The following SOX5 variants were observed in gnomAD, a reference collection of about 807,000 sequenced individuals.
The protein encoded by SOX5 is SRY-box transcription factor 5, also known as transcription factor SOX-5.
Under a neutral mutation model 92.0 loss-of-function variants are expected in SOX5, and 9 were observed. The observed-to-expected ratio is 0.10, with a 90% CI of 0.06 to 0.17. SOX5 has a LOEUF of 0.17. Ranked by LOEUF, SOX5 falls within the 10% of genes least tolerant of loss-of-function variation. SOX5 has a pLI of 1.00. For missense variants in SOX5, 642 were observed against 944.5 expected, an observed-to-expected ratio of 0.68 and a Z score of 4.20; for synonymous variants, 344 against 336.3, an observed-to-expected ratio of 1.02 and a Z score of -0.25.
At chr12:24,026,364 G>A (rs1421672155) in intron 4 of SOX5, among the ~76,000 whole-genome samples, 2 of 151,960 alleles carry the variant, frequency 1.3e-5, no homozygotes, top group Admixed American at 1.3e-4. Flanking sequence ...TTCACTGATT[G>A]TAATTTAATA....
At chr12:24,277,628 G>C (rs1433264885) in intron 2 of SOX5, among the ~76,000 whole-genome samples, 2 of 145,822 alleles carry the variant, frequency 1.4e-5, no homozygotes, top group East Asian at 3.9e-4. Flanking sequence ...ATTATGGTTT[G>C]TGGAAGAAGG....
chr12:24,332,424 G>A (rs1221223388), intron 2 of SOX5, among the ~76,000 whole-genome samples: 3 of 152,108 alleles, frequency 2.0e-5, no homozygotes, highest in African/African-American at 7.2e-5. Context: ...ATCTGAGAAG[G>A]TTTAAATGGC....
intron 1 of SOX5, among the ~76,000 whole-genome samples, chr12:24,519,839 T>C (rs1330844042): frequency 6.6e-6 from 1 of 152,032 alleles, no homozygotes; most frequent in Non-Finnish European, 1.5e-5. Context: ...TCAGAGCCTC[T>C]CCAAAATGAT....
In SOX5 at chr12:24,333,621, T is replaced by C. The variant is rs559381781; in HGVS notation, c.-174+34942A>G. 2.6e-5 allele frequency among the ~76,000 whole-genome samples: 4 copies of C among 152,106 alleles called. No homozygotes were observed. In the South Asian group the frequency reaches 8.3e-4, roughly 32 times the overall value. On this transcript the variant is annotated intron_variant, in intron 2 of 4. Transcript: ENST00000446891. ...GCAAAAACTCTTAGGAAATAAAAAA[T>C]AGAAGTATGTAATTCCTTAACATGA...
intron 7 of SOX5, among the ~76,000 whole-genome samples, chr12:23,641,134 TTTAGGAAAATGG>T (rs1287166622): frequency 1.3e-5 from 2 of 152,124 alleles, no homozygotes. Context: ...TCATGATGTA[TTTAGGAAAATGG>T]GAGGGAAAGT....
chr12:24,526,821 CTT>C (rs960306251), intron 1 of SOX5, among the ~76,000 whole-genome samples: 4 of 148,420 alleles, frequency 2.7e-5, no homozygotes, highest in African/African-American at 7.4e-5. Context: ...TATCATATTT[CTT>C]TTTTTTTTTC....
intron 10 of SOX5, among the ~76,000 whole-genome samples, chr12:23,565,990 C>T (rs80188595): frequency 0.04 from 6,056 of 152,230 alleles, 265 homozygotes; most frequent in Admixed American, 0.12. Flanking sequence ...TCACTCTTAC[C>T]TTCTGCTGGC....
At chr12:23,658,861 C>T (rs578214917) in intron 7 of SOX5, among the ~76,000 whole-genome samples, 2 of 152,142 alleles carry the variant, frequency 1.3e-5, no homozygotes, top group African/African-American at 4.8e-5. Flanking sequence ...CCATTGCACT[C>T]CAGCCTGGGC....
chr12:23,801,016 C>T (rs185751834), intron 3 of SOX5, among the ~76,000 whole-genome samples: 168 of 152,244 alleles, frequency 1.1e-3, no homozygotes, highest in Non-Finnish European at 1.1e-3. Flanking sequence ...AGATGCTTCT[C>T]AAGGAAAACA....
chr12:23,750,312 TAAG>T (rs1358549800), intron 4 of SOX5, among the ~76,000 whole-genome samples: 2 of 152,030 alleles, frequency 1.3e-5, no homozygotes, highest in East Asian at 1.9e-4. Context: ...GCAGTGCCTG[TAAG>T]AAGATGTTCA....
chr12:24,239,444 C>T (rs1259727373), intron 3 of SOX5, among the ~76,000 whole-genome samples: 2 of 152,094 alleles, frequency 1.3e-5, no homozygotes, highest in Non-Finnish European at 1.5e-5. Flanking sequence ...ATATTTTTTT[C>T]CCCCAGACTT....
chr12:23,782,473 A>G (rs2095300522), intron 3 of SOX5, among the ~76,000 whole-genome samples: 1 of 152,164 alleles, frequency 6.6e-6, no homozygotes, highest in African/African-American at 2.4e-5. Context: ...CCAAAAAGTC[A>G]GGGAGAAAGT....
At chr12:24,437,838 T>G (rs1313513011) in intron 1 of SOX5, among the ~76,000 whole-genome samples, 1 of 152,230 alleles carries the variant, frequency 6.6e-6, no homozygotes, top group Non-Finnish European at 1.5e-5. Context: ...TTGGTAGGAA[T>G]GTAAATTAGT....
intron 4 of SOX5, among the ~76,000 whole-genome samples, chr12:23,980,394 A>C (rs1266704122): frequency 6.6e-6 from 1 of 152,060 alleles, no homozygotes; most frequent in Non-Finnish European, 1.5e-5. Flanking sequence ...ATTCCTTTAA[A>C]TGTAATATTC....
At chr12:24,547,698 GT>G (rs1952780684) in intron 1 of SOX5, among the ~76,000 whole-genome samples, 1 of 152,146 alleles carries the variant, frequency 6.6e-6, no homozygotes, top group South Asian at 2.1e-4. Context: ...GGCATAAGTT[GT>G]CTTAGAAAAC....
chr12:24,441,902 CTGAGA>C (rs1371223822), intron 1 of SOX5, among the ~76,000 whole-genome samples: 1 of 152,064 alleles, frequency 6.6e-6, no homozygotes, highest in Non-Finnish European at 1.5e-5. Flanking sequence ...ATATGTCTGC[CTGAGA>C]TAAGGCTTTC....
intron 1 of SOX5, among the ~76,000 whole-genome samples, chr12:23,941,775 G>A (rs575575312): frequency 3.3e-5 from 5 of 151,526 alleles, no homozygotes; most frequent in East Asian, 1.9e-4. Flanking sequence ...AGTTCATTCC[G>A]TTCTACACTA....
At chr12:24,464,475 G>A (rs1944002822) in intron 1 of SOX5, among the ~76,000 whole-genome samples, 2 of 152,014 alleles carry the variant, frequency 1.3e-5, no homozygotes, top group Admixed American at 6.6e-5. Flanking sequence ...CGAGTAGCTG[G>A]GACTACAGGT....
chr12:24,457,669 T>C (rs1380118323), intron 1 of SOX5, among the ~76,000 whole-genome samples: 1 of 152,182 alleles, frequency 6.6e-6, no homozygotes, highest in Non-Finnish European at 1.5e-5. Flanking sequence ...TTTCCCAATA[T>C]CAGACAATTT....
Sources: allele counts gnomAD v4.1 joint callset (sites outside exome capture counted in the v4.1 genomes callset), GRCh38; gene constraint gnomAD v4.1.1; transcripts MANE v1.5; gene names NCBI Gene and HGNC (gene_info 2026-07-23, HGNC 2026-07-21).